Variants in KDM2B observed in about 807,000 individuals in gnomAD.
KDM2B encodes the protein lysine demethylase 2B.
In KDM2B, 26 loss-of-function variants were observed where a neutral mutation model predicts 150.0. That is an observed-to-expected ratio of 0.17 (90% CI 0.13 to 0.24). The LOEUF is 0.24. KDM2B is among the 10% of genes least tolerant of loss of function. KDM2B has a pLI of 1.00. For synonymous variants in KDM2B, 734 were observed against 729.5 expected (o/e 1.01, Z -0.10); for missense variants, 1,265 against 1,816.9 (o/e 0.70, Z 5.52).
Position 121,549,682 on chromosome 12 carries a change from G to C in KDM2B, c.398-44C>G. The stretch of plus-strand genomic sequence containing the variant: ...CACTGGTTGTTCCTGCCGGCTTAAG[G>C]CTCCAGATCCTACATGGGAGCCCCT... On this transcript the variant is annotated intron_variant, in intron 4 of 22. Coordinates refer to ENST00000377071, the MANE Select transcript of KDM2B (RefSeq NM_032590.5). This position sits in a 1 kb window ranked among gnomAD's most constrained non-coding sequence, Gnocchi z 4.4. 10 of 1,508,906 alleles carry C rather than the reference G, an allele frequency of 6.6e-6. No individual in the cohort carries two copies. Among genetic ancestry groups the C allele is most frequent in the African/African-American group, 1.4e-5 (1 of 72,232 alleles). The allele number at this position is 1,508,906 out of a possible 1,614,324, so 93.5% of individuals were successfully genotyped here.
rs975650482 is a variant in KDM2B at position 121,453,939 on chromosome 12, T to A, written c.1735-595A>T. Among the ~76,000 whole-genome samples the A allele has an allele frequency of 6.6e-6, 1 of 152,086 alleles. No homozygotes were observed. The highest frequency in any genetic ancestry group is 1.5e-5 in the Non-Finnish European group (1 of 67,998). Reference sequence around the variant, plus strand: ...CCCACAGGCTCGGACCCTGCCCACCTTTCCCACCTCCGTCTGCTCCCCAAG... The same window carrying A: ...CCCACAGGCTCGGACCCTGCCCACCATTCCCACCTCCGTCTGCTCCCCAAG... On this transcript the variant is annotated intron_variant, in intron 12 of 22. Transcript: ENST00000377071. The surrounding 1 kb of genome is among the most constrained non-coding windows in gnomAD (Gnocchi z 6.4).
rs373492120 is a variant in KDM2B, at chr12:121,494,782, T to C, written c.1648-117A>G. 5.1e-5 allele frequency: 35 copies of C among 680,136 alleles called. No homozygotes were observed. The African/African-American group carries it at 5.8e-4, about 11-fold the overall frequency. The allele number at this position is 680,136 out of a possible 1,614,324, so 42.1% of individuals were successfully genotyped here. A position where few individuals can be genotyped will look rare whatever the true frequency, so the allele number is the denominator to read the frequency against. On this transcript the variant is annotated intron_variant, in intron 11 of 22. Coordinates refer to ENST00000377071, the MANE Select transcript of KDM2B (RefSeq NM_032590.5). Reference sequence around the variant, plus strand: ...ACTCCACAAAGTCAGCGCCTGGCCATTGACTCCACCACCACCCACACATTC... The same window carrying C: ...ACTCCACAAAGTCAGCGCCTGGCCACTGACTCCACCACCACCCACACATTC...
At chr12:121,530,633 C>T (rs1023070660) in intron 8 of KDM2B, among the ~76,000 whole-genome samples, 2 of 151,154 alleles carry the variant, frequency 1.3e-5, no homozygotes, top group African/African-American at 4.9e-5. Context: ...CAATGCATGA[C>T]CCTTCAGGCC....
intron 12 of KDM2B, among the ~76,000 whole-genome samples, chr12:121,456,828 C>T (rs1238643413): frequency 6.6e-6 from 1 of 152,190 alleles, no homozygotes; most frequent in Non-Finnish European, 1.5e-5. Context: ...CTGGGAAAAT[C>T]ACAGAGCACA....
At chr12:121,548,737 C>T (rs111356669) in intron 6 of KDM2B, 140 bp downstream of exon 6, 2 of 662,476 alleles carry the variant, frequency 3.0e-6, no homozygotes, top group South Asian at 1.8e-5. Context: ...CCCCCACAGG[C>T]ACAGTCCTTC....
At chr12:121,413,711 G>A in the KDM2B span, among the ~76,000 whole-genome samples, 1 of 151,658 alleles carries the variant, frequency 6.6e-6, no homozygotes, top group Non-Finnish European at 1.5e-5. Context: ...CCGAGTAGCT[G>A]GGACTACAGG....
chr12:121,549,750 A>C lies in KDM2B; in HGVS notation c.398-112T>G. 3 of 920,150 alleles carry C rather than the reference A, an allele frequency of 3.3e-6. No homozygotes were observed. Among genetic ancestry groups the C allele is most frequent in the East Asian group, 2.8e-5 (1 of 36,340 alleles). 57.0% of individuals were successfully genotyped at this position (920,150 alleles called of 1,614,324 possible). A position where few individuals can be genotyped will look rare whatever the true frequency, so the allele number is the denominator to read the frequency against. On this transcript the variant is annotated intron_variant, in intron 4 of 22. Transcript: ENST00000377071. The surrounding 1 kb of genome is among the most constrained non-coding windows in gnomAD (Gnocchi z 4.4). ...TCCTCCACGTTTCCCCACAGTCCTCACCCCTCTTCCTCATCTGTTCAATTA... is the reference window on the plus strand; with the variant it reads ...TCCTCCACGTTTCCCCACAGTCCTCCCCCCTCTTCCTCATCTGTTCAATTA...
chr12:121,579,425 A>G (rs997952796), intron 1 of KDM2B, among the ~76,000 whole-genome samples: 7 of 152,024 alleles, frequency 4.6e-5, no homozygotes, highest in African/African-American at 1.7e-4. Context: ...GGCATTTCTA[A>G]AGCTGGAGCC....
chr12:121,478,866 T>TTGTTTGTTTGTGTGTGTGTGTG (rs61509046), intron 12 of KDM2B, among the ~76,000 whole-genome samples: 6,595 of 131,058 alleles, frequency 0.05, 250 homozygotes, highest in Middle Eastern at 0.12. Context: ...TTTTGTTTGT[T>TTGTTTGTTTGTGTGTGTGTGTG]TGTGTGTGTG....
intron 12 of KDM2B, among the ~76,000 whole-genome samples, chr12:121,474,808 T>G (rs1167064856): frequency 2.0e-5 from 3 of 151,990 alleles, no homozygotes; most frequent in Non-Finnish European, 2.9e-5. Flanking sequence ...AAACATTAGC[T>G]GGGCGTGGTG....
At chr12:121,502,043 G>A (rs1364715235) in intron 11 of KDM2B, among the ~76,000 whole-genome samples, 3 of 152,138 alleles carry the variant, frequency 2.0e-5, no homozygotes. Flanking sequence ...CCAGGGTCGG[G>A]AACTGACGAC....
chr12:121,459,366 T>C (rs1469987168), intron 12 of KDM2B, among the ~76,000 whole-genome samples: 1 of 152,134 alleles, frequency 6.6e-6, no homozygotes, highest in Non-Finnish European at 1.5e-5. Flanking sequence ...ACACCACATA[T>C]ACAAATTAAC....
chr12:121,487,943 G>A (rs1221978710), intron 12 of KDM2B, among the ~76,000 whole-genome samples: 2 of 151,938 alleles, frequency 1.3e-5, no homozygotes, highest in Admixed American at 6.6e-5. Flanking sequence ...CACCATGCCC[G>A]GCTAATTTTT....
intron 4 of KDM2B, among the ~76,000 whole-genome samples, chr12:121,563,881 A>G (rs1890515309): frequency 6.6e-6 from 1 of 152,040 alleles, no homozygotes; most frequent in African/African-American, 2.4e-5. Context: ...TGGGCAACAG[A>G]GTGAGACTCT....
intron 8 of KDM2B, 125 bp downstream of exon 8, chr12:121,532,668 GCCCACGGCTGGCT>G: frequency 1.2e-6 from 1 of 831,646 alleles, no homozygotes; most frequent in South Asian, 1.6e-5. Context: ...TTTCCCTCCA[GCCCACGGCTGGCT>G]CCCCTCGGGG....
At chr12:121,448,936 T>A (rs1004157721) in intron 13 of KDM2B, among the ~76,000 whole-genome samples, 1 of 152,124 alleles carries the variant, frequency 6.6e-6, no homozygotes. Flanking sequence ...TCTGGAGGAC[T>A]TGGAGGACAG....
rs1269367277 is a variant in KDM2B at position 121,469,970 on chromosome 12, AC to A, written c.1735-16627del. The A allele has an allele frequency of 8.6e-5, 13 of 151,818 alleles. No individual in the cohort carries two copies. In the East Asian group the frequency reaches 1.4e-3, roughly 16 times the overall value. 9.4% of individuals were successfully genotyped at this position (151,818 alleles called of 1,614,324 possible). A position where few individuals can be genotyped will look rare whatever the true frequency, so the allele number is the denominator to read the frequency against. ...AAATTAACAGGTCATGGTAGCACAC[AC>A]CTGTGATCCCAGCTGCTCAGGAGGC... On this transcript the variant is annotated intron_variant, in intron 12 of 22. Transcript: ENST00000377071.
intron 13 of KDM2B, among the ~76,000 whole-genome samples, chr12:121,447,216 CAGA>C (rs1166852235): frequency 1.3e-5 from 2 of 152,056 alleles, no homozygotes; most frequent in Non-Finnish European, 2.9e-5. Context: ...AGACAAAACA[CAGA>C]AGCAGATATG....
rs1264270270 is a variant in KDM2B, at chr12:121,533,913, G to C, written c.777+584C>G. ...GAGGATCACGTGAGCCCAGGACTTT[G>C]AGAACAAGTCCCAGCTACTCGAGAG... On this transcript the variant is annotated intron_variant, in intron 7 of 22. Transcript: ENST00000377071. This position sits in a 1 kb window ranked among gnomAD's most constrained non-coding sequence, Gnocchi z 4.1. 6.6e-6 allele frequency among the ~76,000 whole-genome samples: 1 copy of C among 152,206 alleles called. No individual in the cohort carries two copies. The highest frequency in any genetic ancestry group is 6.5e-5 in the Admixed American group (1 of 15,280).
Sources: allele counts gnomAD v4.1 joint callset (sites outside exome capture counted in the v4.1 genomes callset), GRCh38; gene constraint gnomAD v4.1.1; non-coding constraint Gnocchi (gnomAD v3.1); transcripts MANE v1.5; gene names NCBI Gene and HGNC (gene_info 2026-07-23, HGNC 2026-07-21).